RAB9B: variants seen among roughly 807,000 people sequenced by gnomAD.
RAB9B encodes the protein ras-related protein Rab-9B.
Under a neutral mutation model 8.9 loss-of-function variants are expected in RAB9B, and 1 was observed. That is an observed-to-expected ratio of 0.11 (90% confidence interval 0.04 to 0.53). The LOEUF is 0.53. Among genes scored for constraint, RAB9B ranks in the 20% least tolerant of loss-of-function variants. The pLI is 0.93. For synonymous variants in RAB9B, 63 were observed against 57.0 expected, an observed-to-expected ratio of 1.10 and a Z score of -0.47; for missense variants, 82 against 152.9, an observed-to-expected ratio of 0.54 and a Z score of 2.45.
chrX:103,809,780 C>A, the RAB9B span, among the ~76,000 whole-genome samples: 1 of 110,120 alleles, frequency 9.1e-6, no homozygotes, highest in Non-Finnish European at 1.9e-5. Flanking sequence ...CCCATCCATT[C>A]TTTCAGGTAT....
Position 103,824,323 on chromosome X carries a change from T to C in RAB9B, c.*856A>G, listed in dbSNP as rs1287755985. On this transcript the variant is annotated 3_prime_UTR_variant, in exon 3 of 3. Transcript: ENST00000243298. ...CAGCATGTTGGATCAAAGGACCATC[T>C]AAATGATGAGCAGAGAGCACTGCAT... 1 of 112,450 alleles carries C rather than the reference T, an allele frequency of 8.9e-6. No homozygotes were observed. Among genetic ancestry groups the C allele is most frequent in the Non-Finnish European group, 1.9e-5 (1 of 53,331 alleles). The allele number at this position is 112,450 out of a possible 1,213,427, so 9.3% of individuals were successfully genotyped here. A position where few individuals can be genotyped will look rare whatever the true frequency, so the allele number is the denominator to read the frequency against.
the RAB9B span, among the ~76,000 whole-genome samples, chrX:103,794,224 C>T: frequency 9.0e-6 from 1 of 111,373 alleles, no homozygotes; most frequent in Non-Finnish European, 1.9e-5. Context: ...TGAATTCTCC[C>T]CTCAGTATGT....
At chrX:103,798,831 G>A in the RAB9B span, among the ~76,000 whole-genome samples, 2 of 107,743 alleles carry the variant, frequency 1.9e-5, no homozygotes, top group Non-Finnish European at 3.8e-5. Flanking sequence ...TAGTAGAGAC[G>A]GGGTTTCACC....
At chrX:103,786,850 G>A in the RAB9B span, 17 of 728,005 alleles carry the variant, frequency 2.3e-5, no homozygotes, top group South Asian at 3.2e-4. Flanking sequence ...GTGAGGAAGC[G>A]ATGGCTGCAG....
intron 1 of RAB9B, among the ~76,000 whole-genome samples, chrX:103,831,177 C>T (rs751713791): frequency 2.7e-5 from 3 of 110,406 alleles, no homozygotes; most frequent in African/African-American, 6.6e-5. Flanking sequence ...AAGAATTGGG[C>T]GCGGCTATAT....
At chrX:103,797,101 T>G in the RAB9B span, among the ~76,000 whole-genome samples, 7 of 106,196 alleles carry the variant, frequency 6.6e-5, no homozygotes, top group Admixed American at 2.0e-4. Context: ...TTTTTTTTTT[T>G]TTTTGAAACA....
the RAB9B span, among the ~76,000 whole-genome samples, chrX:103,797,725 A>T: frequency 2.7e-5 from 3 of 111,251 alleles, no homozygotes; most frequent in Non-Finnish European, 1.9e-5. Context: ...GCAGATGGCC[A>T]CTTGGCTCTA....
the RAB9B span, among the ~76,000 whole-genome samples, chrX:103,815,236 A>T: frequency 2.7e-5 from 3 of 112,221 alleles, no homozygotes; most frequent in Non-Finnish European, 3.8e-5. Context: ...CAAAAACCTT[A>T]TCCTCTGCAA....
chrX:103,796,847 CAAAAAAA>C, the RAB9B span, among the ~76,000 whole-genome samples: 3 of 12,105 alleles, frequency 2.5e-4, no homozygotes, highest in African/African-American at 7.5e-4. Context: ...ACCGCCTCTA[CAAAAAAA>C]AAAAAAAAAA....
chrX:103,787,803 G>A, the RAB9B span: 6 of 1,207,903 alleles, frequency 5.0e-6, no homozygotes, highest in Non-Finnish European at 6.7e-6. Context: ...TTTAGTTTGT[G>A]GGCATCACCT....
At chrX:103,785,662 G>T in the RAB9B span, 1 of 1,209,864 alleles carries the variant, frequency 8.3e-7, no homozygotes. Context: ...TTTCTTTGGG[G>T]TGGCACTGTT....
At chrX:103,797,814 C>T in the RAB9B span, among the ~76,000 whole-genome samples, 1 of 111,024 alleles carries the variant, frequency 9.0e-6, no homozygotes, top group East Asian at 2.8e-4. Context: ...TGTCATAGTA[C>T]CTGCCAAAAA....
the RAB9B span, among the ~76,000 whole-genome samples, chrX:103,805,270 CTAA>C: frequency 9.0e-6 from 1 of 111,535 alleles, no homozygotes; most frequent in East Asian, 2.8e-4. Flanking sequence ...TACCCTTATT[CTAA>C]TAATATGGTG....
chrX:103,779,241 G>T, the RAB9B span, among the ~76,000 whole-genome samples: 3 of 112,227 alleles, frequency 2.7e-5, no homozygotes, highest in Non-Finnish European at 5.6e-5. Context: ...GCAAAACATT[G>T]TCTGCAAGCC....
chrX:103,785,454 G>A, the RAB9B span: 11 of 560,170 alleles, frequency 2.0e-5, no homozygotes, highest in Admixed American at 5.1e-5. Context: ...ACCTCTAGCC[G>A]CTCCTGCTTT....
rs765696707 is a variant in RAB9B at position 103,825,439 on chromosome X, G to A, written c.346C>T (p.His116Tyr). 1 of 1,211,892 alleles carries A rather than the reference G, an allele frequency of 8.3e-7. No homozygotes were observed. Among genetic ancestry groups the A allele is most frequent in the Non-Finnish European group, 1.1e-6 (1 of 895,556 alleles). The change falls in exon 3 of 3, where the codon CAT (histidine) becomes TAT (tyrosine). Residue 116 changes from histidine (H) to tyrosine (Y), a missense_variant. Transcript: ENST00000243298. ...TTACCCAGAACTACAAAGGGGAAAT[G>A]CTCAGGGTCCTTCACATCCGCATAG... ...IYYADVKDPE[H>Y]FPFVVLGNKV... is the part of the protein sequence containing the mutation.
chrX:103,802,252 CAGAGAGAG>C, the RAB9B span, among the ~76,000 whole-genome samples: 4 of 94,380 alleles, frequency 4.2e-5, no homozygotes, highest in Admixed American at 1.2e-4. Flanking sequence ...GGGAGAGAGA[CAGAGAGAG>C]AGAGAGAGAG....
chrX:103,788,139 G>A, the RAB9B span, among the ~76,000 whole-genome samples: 11 of 111,951 alleles, frequency 9.8e-5, no homozygotes, highest in South Asian at 3.7e-4. Context: ...TTTCTTCCCC[G>A]GGAAGGGAAC....
At chrX:103,785,832 G>T in the RAB9B span, 2 of 978,464 alleles carry the variant, frequency 2.0e-6, no homozygotes, top group East Asian at 3.1e-5. Flanking sequence ...TGGAGATAGA[G>T]AACTCTTCAG....
Sources: gnomAD v4.1 joint callset for allele counts (sites outside exome capture counted in the v4.1 genomes callset) on GRCh38, gnomAD v4.1.1 for gene constraint, MANE v1.5 for transcripts, NCBI Gene and HGNC (gene_info 2026-07-23, HGNC 2026-07-21) for gene names.